Variants in VSIG1 observed in about 807,000 individuals in gnomAD.
VSIG1 encodes V-set and immunoglobulin domain containing 1.
A neutral mutation model predicts 20.1 loss-of-function variants in VSIG1; 11 were observed. The ratio of observed to expected loss-of-function variants is 0.55; its 90% CI spans 0.34 to 0.91. VSIG1 has a LOEUF of 0.91. Among genes scored for constraint, VSIG1 ranks in the 40% least tolerant of loss-of-function variants. The probability of loss-of-function intolerance (pLI) is 0.02; values close to 1 mark genes in which losing one functional copy is unlikely to be tolerated. For synonymous variants in VSIG1, 126 were observed against 116.7 expected (o/e 1.08, Z -0.52); for missense variants, 283 against 298.8 (o/e 0.95, Z 0.39).
chrX:108,059,742 C>T (rs2030982805), intron 2 of VSIG1, among the ~76,000 whole-genome samples: 5 of 112,324 alleles, frequency 4.5e-5, no homozygotes, highest in African/African-American at 1.6e-4. Flanking sequence ...AATCACATGA[C>T]CTTTCTTCCT....
At chrX:108,053,015 G>A (rs1005291321) in intron 1 of VSIG1, among the ~76,000 whole-genome samples, 2 of 111,564 alleles carry the variant, frequency 1.8e-5, no homozygotes, top group Non-Finnish European at 3.8e-5. Flanking sequence ...CTCAATAGAA[G>A]AGCAGAGATG....
At chrX:108,044,625 TGCCCTTCCCGTGA>T (rs1480169868), upstream of VSIG1, among the ~76,000 whole-genome samples, 1 of 111,666 alleles carries the variant, frequency 9.0e-6, no homozygotes, top group Non-Finnish European at 1.9e-5. Context: ...ATAACCCCTG[TGCCCTTCCCGTGA>T]GCCCCATCTC....
chrX:108,022,586 A>G, the VSIG1 span, among the ~76,000 whole-genome samples: 1 of 112,157 alleles, frequency 8.9e-6, no homozygotes, highest in Admixed American at 9.4e-5. Context: ...ACAATGTTAA[A>G]TAGGAATGGC....
intron 2 of VSIG1, among the ~76,000 whole-genome samples, chrX:108,063,823 A>T (rs1368639013): frequency 9.0e-6 from 1 of 111,608 alleles, no homozygotes; most frequent in Admixed American, 9.5e-5. Flanking sequence ...CAGGTGGGTA[A>T]AAAATTAACA....
chrX:108,045,290 T>A, intron 1 of VSIG1, 111 bp downstream of exon 1: 1 of 595,834 alleles, frequency 1.7e-6, no homozygotes. Flanking sequence ...TCAAATGAAT[T>A]GTGATTAGTA....
intron 1 of VSIG1, among the ~76,000 whole-genome samples, chrX:108,054,665 A>G (rs1200290074): frequency 9.0e-6 from 1 of 110,925 alleles, no homozygotes; most frequent in Non-Finnish European, 1.9e-5. Context: ...TGTAGCAGAA[A>G]AGTATCTAAA....
intron 3 of VSIG1, among the ~76,000 whole-genome samples, chrX:108,069,359 T>C (rs990275444): frequency 8.9e-6 from 1 of 111,822 alleles, no homozygotes; most frequent in Non-Finnish European, 1.9e-5. Context: ...CTCTAAAAAA[T>C]ATTGTTTTTG....
upstream of VSIG1, among the ~76,000 whole-genome samples, chrX:108,043,901 T>C (rs1252217982): frequency 1.8e-5 from 2 of 112,378 alleles, no homozygotes; most frequent in East Asian, 5.6e-4. Flanking sequence ...GGGCATGAGT[T>C]AATGTGGCTA....
At chrX:108,042,924 C>G (rs1237809307), upstream of VSIG1, among the ~76,000 whole-genome samples, 2 of 110,327 alleles carry the variant, frequency 1.8e-5, no homozygotes, top group Non-Finnish European at 1.9e-5. Context: ...TTTTTCCCTT[C>G]CTAACATGGA....
the VSIG1 span, among the ~76,000 whole-genome samples, chrX:108,026,354 TCAGA>T: frequency 9.0e-6 from 1 of 111,575 alleles, no homozygotes; most frequent in East Asian, 2.8e-4. Flanking sequence ...AGCATACTGG[TCAGA>T]CAGGGCATTT....
rs2031386852 is a variant in VSIG1 at position 108,078,109 on chromosome X, A to G, written c.*728A>G. The stretch of plus-strand genomic sequence containing the variant: ...TAGTTCCTCATTCATTTTTATATTG[A>G]CCACTAAGAAAATAATTCATCAGCA... On this transcript the variant is annotated 3_prime_UTR_variant, in exon 7 of 7. Coordinates refer to ENST00000217957, the MANE Select transcript of VSIG1 (RefSeq NM_182607.5). The G allele has an allele frequency of 8.9e-6, 1 of 112,322 alleles. No homozygotes were observed. The highest frequency in any genetic ancestry group is 9.4e-5 in the Admixed American group (1 of 10,643). 9.3% of individuals were successfully genotyped at this position (112,322 alleles called of 1,213,427 possible).
Position 108,073,570 on chromosome X carries a change from A to C in VSIG1, c.688+201A>C, listed in dbSNP as rs2031295111. 4 of 402,936 alleles carry C rather than the reference A, an allele frequency of 9.9e-6. No individual in the cohort carries two copies. The East Asian group carries it at 1.8e-4, about 18-fold the overall frequency. The allele number at this position is 402,936 out of a possible 1,213,427, so 33.2% of individuals were successfully genotyped here. The stretch of plus-strand genomic sequence containing the variant: ...TAATATATGCCATATGCTGCCCTAA[A>C]TCCTTTACAAAAAGCAATTTGTTTG... On this transcript the variant is annotated intron_variant, in intron 5 of 6. Coordinates refer to ENST00000217957, the MANE Select transcript of VSIG1 (RefSeq NM_182607.5).
the VSIG1 span, among the ~76,000 whole-genome samples, chrX:108,031,310 T>C: frequency 8.9e-6 from 1 of 112,287 alleles, no homozygotes; most frequent in Non-Finnish European, 1.9e-5. Flanking sequence ...GTGTGTTCCT[T>C]CTTCAAATAC....
the VSIG1 span, among the ~76,000 whole-genome samples, chrX:108,038,890 A>G: frequency 2.7e-5 from 3 of 111,575 alleles, no homozygotes; most frequent in Admixed American, 2.9e-4. Context: ...AATATATTCC[A>G]AATATTATTA....
At position 108,070,160 on chromosome X, in the gene VSIG1, T is replaced by C. The variant is rs187970373; in HGVS notation, c.413-2517T>C. 3.4e-3 allele frequency among the ~76,000 whole-genome samples: 388 copies of C among 112,870 alleles called. 4 individuals are homozygous for C. Among genetic ancestry groups the C allele is most frequent in the African/African-American group, 0.012 (371 of 31,182 alleles). ...CATCTACCTTCCGCAATTTGGCACA[T>C]AAAAAGAAAATGATTGATTTAGGGA... On this transcript the variant is annotated intron_variant, in intron 3 of 6. Coordinates refer to ENST00000217957, the MANE Select transcript of VSIG1 (RefSeq NM_182607.5).
At chrX:108,070,954 A>G (rs2065237434) in intron 3 of VSIG1, among the ~76,000 whole-genome samples, 1 of 112,009 alleles carries the variant, frequency 8.9e-6, no homozygotes, top group African/African-American at 3.2e-5. Flanking sequence ...AGTAGCAGGA[A>G]TTAGTGCTGC....
the VSIG1 span, among the ~76,000 whole-genome samples, chrX:108,026,741 C>T: frequency 1.8e-5 from 2 of 111,092 alleles, no homozygotes; most frequent in African/African-American, 3.3e-5. Context: ...CAATATATGA[C>T]CAACCTACAA....
Position 108,072,388 on chromosome X carries a change from G to C in VSIG1, c.413-289G>C, listed in dbSNP as rs190989764. ...CTGCCTCACCCTCCCAAGTAGCTGG[G>C]ATTACAGGCGCCCACCACCACGCCC... On this transcript the variant is annotated intron_variant, in intron 3 of 6. Coordinates refer to ENST00000217957, the MANE Select transcript of VSIG1 (RefSeq NM_182607.5). 5.6e-3 allele frequency among the ~76,000 whole-genome samples: 618 copies of C among 110,334 alleles called. 6 individuals carry two copies. The highest frequency in any genetic ancestry group is 0.019 in the African/African-American group (582 of 30,284).
intron 1 of VSIG1, among the ~76,000 whole-genome samples, chrX:108,046,796 A>G (rs1038877347): frequency 1.8e-4 from 20 of 111,508 alleles, no homozygotes; most frequent in Non-Finnish European, 9.4e-5. Flanking sequence ...ATTGTTTAGC[A>G]TCATGTCAGG....
Sources: gnomAD v4.1 joint callset for allele counts (sites outside exome capture counted in the v4.1 genomes callset) on GRCh38, gnomAD v4.1.1 for gene constraint, MANE v1.5 for transcripts, NCBI Gene and HGNC (gene_info 2026-07-23, HGNC 2026-07-21) for gene names.